The following SNX9 variants were observed in gnomAD, a reference collection of about 807,000 sequenced individuals.
The protein encoded by SNX9 is sorting nexin-9.
SNX9 carries 44 observed loss-of-function variants against 89.4 expected under a neutral mutation model. The observed-to-expected ratio is 0.49, with a 90% confidence interval of 0.39 to 0.63. The LOEUF is 0.63. Among genes scored for constraint, SNX9 ranks in the 30% least tolerant of loss-of-function variants. The probability of loss-of-function intolerance (pLI) is 0.00; values close to 1 mark genes in which losing one functional copy is unlikely to be tolerated. For synonymous variants in SNX9, 236 were observed against 247.8 expected, an observed-to-expected ratio of 0.95 and a Z score of 0.45; for missense variants, 578 against 736.1, an observed-to-expected ratio of 0.79 and a Z score of 2.49.
chr6:157,860,912 TCTA>T (rs1022346292), intron 1 of SNX9, among the ~76,000 whole-genome samples: 2 of 152,232 alleles, frequency 1.3e-5, no homozygotes, highest in African/African-American at 4.8e-5. Flanking sequence ...AATTTGTAAT[TCTA>T]CTCAGGGAAT....
rs541839805 is a variant in SNX9 at position 157,866,154 on chromosome 6, A to G, written c.13-1393A>G. ...CCACGGTGATTCTCTCTTGGGATAC[A>G]TGCACAGCAGTGTTCCAAGGAGTCA... On this transcript the variant is annotated intron_variant, in intron 1 of 17. Coordinates refer to ENST00000392185, the MANE Select transcript of SNX9 (RefSeq NM_016224.5). Among the ~76,000 whole-genome samples the G allele has an allele frequency of 5.9e-5, 9 of 152,334 alleles. No individual in the cohort carries two copies. The South Asian group carries it at 1.9e-3, about 32-fold the overall frequency.
At chr6:157,882,387 T>G (rs1782645145) in intron 4 of SNX9, among the ~76,000 whole-genome samples, 2 of 152,230 alleles carry the variant, frequency 1.3e-5, no homozygotes, top group Admixed American at 1.3e-4. Context: ...GATTGATGTT[T>G]TCATGCCTGC....
At chr6:157,880,668 C>T (rs963912889) in intron 4 of SNX9, among the ~76,000 whole-genome samples, 8 of 152,170 alleles carry the variant, frequency 5.3e-5, no homozygotes, top group East Asian at 1.9e-4. Flanking sequence ...TATTGAGAGG[C>T]GTGCTCTGCA....
intron 1 of SNX9, among the ~76,000 whole-genome samples, chr6:157,862,416 A>T (rs1348507104): frequency 2.6e-5 from 4 of 152,190 alleles, no homozygotes; most frequent in Admixed American, 2.6e-4. Flanking sequence ...TATACATAGA[A>T]ATATTACCTA....
intron 13 of SNX9, among the ~76,000 whole-genome samples, chr6:157,935,757 C>T (rs74326771): frequency 0.041 from 6,295 of 152,196 alleles, 423 homozygotes; most frequent in Admixed American, 0.19. Flanking sequence ...GAAAGCGGGT[C>T]GGGGTGTAGA....
chr6:157,888,759 C>T (rs1782790741), intron 4 of SNX9, among the ~76,000 whole-genome samples: 3 of 152,118 alleles, frequency 2.0e-5, no homozygotes, highest in Admixed American at 1.3e-4. Flanking sequence ...GGTAAAGTAT[C>T]TTACAGGAGC....
intron 13 of SNX9, among the ~76,000 whole-genome samples, chr6:157,934,683 C>T (rs899424701): frequency 3.9e-5 from 6 of 152,106 alleles, no homozygotes; most frequent in African/African-American, 4.8e-5. Context: ...AATTATGTTA[C>T]TGTTGTTAGC....
intron 1 of SNX9, among the ~76,000 whole-genome samples, chr6:157,856,399 A>C (rs1782012260): frequency 6.6e-6 from 1 of 152,232 alleles, no homozygotes; most frequent in African/African-American, 2.4e-5. Context: ...TTTTGAAGAA[A>C]TGGCAGGTAT....
chr6:157,906,027 A>G lies in SNX9; in HGVS notation c.621-101A>G, dbSNP rs112773005. ...AGTTTCCAGTTCTAGTGCACCCGAAAGACAGGACAAGGTTAAAACTGGTAA... is the reference window on the plus strand; with the variant it reads ...AGTTTCCAGTTCTAGTGCACCCGAAGGACAGGACAAGGTTAAAACTGGTAA... On this transcript the variant is annotated intron_variant, in intron 6 of 17. Transcript: ENST00000392185. The G allele has an allele frequency of 6.2e-5, 59 of 948,960 alleles. No homozygotes were observed. The Middle Eastern group carries it at 7.0e-4, about 11-fold the overall frequency. 58.8% of individuals were successfully genotyped at this position (948,960 alleles called of 1,614,324 possible).
chr6:157,852,834 A>G (rs767259220), intron 1 of SNX9, among the ~76,000 whole-genome samples: 5 of 152,128 alleles, frequency 3.3e-5, no homozygotes, highest in Non-Finnish European at 5.9e-5. Flanking sequence ...TCGGCCTCCA[A>G]AATGCTGGGG....
chr6:157,898,157 C>T (rs1345839254), intron 5 of SNX9, among the ~76,000 whole-genome samples: 1 of 152,226 alleles, frequency 6.6e-6, no homozygotes, highest in Non-Finnish European at 1.5e-5. Flanking sequence ...CAATACCACT[C>T]TGGGTCATTG....
intron 1 of SNX9, among the ~76,000 whole-genome samples, chr6:157,831,713 C>G (rs1040359324): frequency 1.3e-5 from 2 of 152,202 alleles, no homozygotes; most frequent in Non-Finnish European, 2.9e-5. Flanking sequence ...CGGAGCCTTT[C>G]CTTTTGTGCT....
intron 12 of SNX9, 28 bp downstream of exon 12, chr6:157,928,730 G>A: frequency 1.3e-6 from 2 of 1,513,708 alleles, no homozygotes; most frequent in East Asian, 2.5e-5. Context: ...AGTGCACTGG[G>A]CTCGTAGGGG....
intron 7 of SNX9, among the ~76,000 whole-genome samples, chr6:157,908,579 G>A (rs958301670): frequency 4.6e-5 from 7 of 152,196 alleles, no homozygotes; most frequent in Non-Finnish European, 8.8e-5. Flanking sequence ...GGTGACTCAG[G>A]TAGTGATTCC....
chr6:157,826,422 C>G (rs1181784362), intron 1 of SNX9, among the ~76,000 whole-genome samples: 1 of 150,992 alleles, frequency 6.6e-6, no homozygotes, highest in Non-Finnish European at 1.5e-5. Context: ...ATAGCGTGAA[C>G]CCGGGAGGCA....
At chr6:157,909,534 T>C (rs898105503) in intron 7 of SNX9, 131 bp from the exon 8 acceptor site, 3 of 1,078,172 alleles carry the variant, frequency 2.8e-6, no homozygotes, top group Non-Finnish European at 4.0e-6. Context: ...TTTATGTACC[T>C]TTCAAAGAGG....
intron 5 of SNX9, among the ~76,000 whole-genome samples, chr6:157,900,500 A>G (rs1358339707): frequency 6.6e-6 from 1 of 152,166 alleles, no homozygotes; most frequent in Non-Finnish European, 1.5e-5. Flanking sequence ...GACACACACA[A>G]GATAGCGAAA....
chr6:157,944,983 C>T lies in SNX9; in HGVS notation c.*2145C>T, dbSNP rs576346057. On this transcript the variant is annotated 3_prime_UTR_variant, in exon 18 of 18. Coordinates refer to ENST00000392185, the MANE Select transcript of SNX9 (RefSeq NM_016224.5). The stretch of plus-strand genomic sequence containing the variant: ...ACATGCACCATTTGGTTCTTAGATA[C>T]GTTGATGTTTTGATTTTTAATGATT... The T allele has an allele frequency of 3.0e-4, 45 of 152,246 alleles. No individual in the cohort carries two copies. Among genetic ancestry groups the T allele is most frequent in the African/African-American group, 1.0e-3 (42 of 41,536 alleles). The allele number at this position is 152,246 out of a possible 1,614,324, so 9.4% of individuals were successfully genotyped here.
intron 17 of SNX9, among the ~76,000 whole-genome samples, chr6:157,941,607 G>A (rs992618355): frequency 1.3e-5 from 2 of 152,168 alleles, no homozygotes; most frequent in African/African-American, 4.8e-5. Context: ...GTAGAATCCA[G>A]CCTCCGCTGG....
Sources: gnomAD v4.1 joint callset for allele counts (sites outside exome capture counted in the v4.1 genomes callset) on GRCh38, gnomAD v4.1.1 for gene constraint, MANE v1.5 for transcripts, NCBI Gene and HGNC (gene_info 2026-07-23, HGNC 2026-07-21) for gene names.